RIPK1: variants seen among roughly 807,000 people sequenced by gnomAD.
RIPK1 encodes the protein receptor interacting serine/threonine kinase 1.
Under a neutral mutation model 62.4 loss-of-function variants are expected in RIPK1, and 27 were observed. The ratio of observed to expected loss-of-function variants is 0.43; its 90% CI spans 0.32 to 0.60. The LOEUF is 0.60. Ranked by LOEUF, RIPK1 falls within the 20% of genes least tolerant of loss-of-function variation. RIPK1 has a pLI of 0.07. For missense variants in RIPK1, 735 were observed against 831.0 expected (o/e 0.88, Z 1.42); for synonymous variants, 287 against 303.2 (o/e 0.95, Z 0.55).
rs1758743770 is a variant in RIPK1, at chr6:3,072,096, T to C, written c.-61+3435T>C. ...CTCTCCTCTGTACATGCTAAGTGTT[T>C]TACCTACTTTTGCTGTTCTATGTAA... On this transcript the variant is annotated intron_variant, in intron 1 of 10. Transcript: ENST00000259808. This position sits in a 1 kb window ranked among gnomAD's most constrained non-coding sequence, Gnocchi z 5.6. Among the ~76,000 whole-genome samples, 1 of 152,236 alleles carries C rather than the reference T, an allele frequency of 6.6e-6. No homozygotes were observed. Among genetic ancestry groups the C allele is most frequent in the South Asian group, 2.1e-4 (1 of 4,836 alleles).
At chr6:3,090,869 CACCTAGT>C (rs1411701408) in intron 7 of RIPK1, among the ~76,000 whole-genome samples, 4 of 85,108 alleles carry the variant, frequency 4.7e-5, no homozygotes, top group Non-Finnish European at 7.8e-5. Context: ...CTACCTGCCG[CACCTAGT>C]AACCGCAGCG....
In RIPK1 at chr6:3,094,263, A is replaced by G. The variant is rs548781469; in HGVS notation, c.915+4606A>G. ...CTACCTTTAAAGGCTTTTCAAGAAC[A>G]TACAGAGCATTTTCAAAAACTGACC... On this transcript the variant is annotated intron_variant, in intron 7 of 10. Transcript: ENST00000259808. Among the ~76,000 whole-genome samples the G allele has an allele frequency of 9.2e-5, 14 of 152,264 alleles. No homozygotes were observed. The South Asian group carries it at 2.9e-3, about 31-fold the overall frequency.
chr6:3,064,884 C>G (rs985062477), upstream of RIPK1, among the ~76,000 whole-genome samples: 1 of 151,990 alleles, frequency 6.6e-6, no homozygotes, highest in South Asian at 2.1e-4. Flanking sequence ...ACCGTTTTAA[C>G]GAGGTGGCTT....
chr6:3,064,269 C>T (rs887792338), upstream of RIPK1, among the ~76,000 whole-genome samples: 1 of 152,094 alleles, frequency 6.6e-6, no homozygotes, highest in African/African-American at 2.4e-5. Context: ...AGCTCCCAGC[C>T]AGCGCGGACG....
chr6:3,068,474 G>C (rs1052091233), upstream of RIPK1: 1 of 985,330 alleles, frequency 1.0e-6, no homozygotes, highest in Non-Finnish European at 1.2e-6. Context: ...GCCGGGGCAG[G>C]GGGAGGAGGC....
At chr6:3,082,222 C>T (rs1027064040) in intron 4 of RIPK1, among the ~76,000 whole-genome samples, 1 of 152,206 alleles carries the variant, frequency 6.6e-6, no homozygotes, top group Non-Finnish European at 1.5e-5. Flanking sequence ...GCAGGTTCTG[C>T]GTCTAGCGCT....
upstream of RIPK1, among the ~76,000 whole-genome samples, chr6:3,064,980 C>T (rs1328171127): frequency 1.3e-5 from 2 of 152,036 alleles, no homozygotes; most frequent in African/African-American, 4.8e-5. Flanking sequence ...CGGTGGCTCA[C>T]GCCTGTAATC....
chr6:3,113,577 G>C lies in RIPK1; in HGVS notation c.*238G>C. ...GGACTCAAGTGATCCTCCCGCCTCG[G>C]CCTTCCAAAGTGCTGGGATATCAGG... is the stretch of plus-strand genomic sequence containing the variant. On this transcript the variant is annotated 3_prime_UTR_variant, in exon 11 of 11. Coordinates refer to ENST00000259808, the MANE Select transcript of RIPK1 (RefSeq NM_001354930.2). This position sits in a 1 kb window ranked among gnomAD's most constrained non-coding sequence, Gnocchi z 5.0. 1 of 471,464 alleles carries C rather than the reference G, an allele frequency of 2.1e-6. No homozygotes were observed. Among genetic ancestry groups the C allele is most frequent in the Non-Finnish European group, 3.8e-6 (1 of 262,212 alleles). The allele number at this position is 471,464 out of a possible 1,614,324, so 29.2% of individuals were successfully genotyped here.
chr6:3,111,389 T>G (rs1416573154), intron 10 of RIPK1, among the ~76,000 whole-genome samples: 1 of 152,192 alleles, frequency 6.6e-6, no homozygotes, highest in Non-Finnish European at 1.5e-5. Flanking sequence ...AAGAGGGCTA[T>G]CTCTTATAGG....
At chr6:3,102,918 T>G (rs1428151397) in intron 7 of RIPK1, among the ~76,000 whole-genome samples, 2 of 152,224 alleles carry the variant, frequency 1.3e-5, no homozygotes, top group African/African-American at 4.8e-5. Flanking sequence ...TAAGTACTGT[T>G]AAAATTGTTT....
chr6:3,105,578 A>G lies in RIPK1; in HGVS notation c.1103A>G (p.Glu368Gly). ...GCTCCTTCCCTGGAGCACCCACAAG[A>G]AGAGAATGAGCCCAGCCTGCAGAGT... is the stretch of plus-strand genomic sequence containing the variant. Reference protein sequence around the residue: ...WFAPSLEHPQEENEPSLQSKL... With the variant: ...WFAPSLEHPQGENEPSLQSKL... Residue 368 changes from glutamate to glycine, a missense_variant, in exon 9 of 11, where the codon GAA becomes GGA. Coordinates refer to ENST00000259808, the MANE Select transcript of RIPK1 (RefSeq NM_001354930.2). The surrounding 1 kb of genome is among the most constrained non-coding windows in gnomAD (Gnocchi z 4.5). The G allele has an allele frequency of 6.2e-7, 1 of 1,613,862 alleles. No individual in the cohort carries two copies.
intron 7 of RIPK1, among the ~76,000 whole-genome samples, chr6:3,097,180 A>G (rs1234282133): frequency 4.6e-5 from 7 of 151,934 alleles, no homozygotes; most frequent in Non-Finnish European, 1.0e-4. Context: ...CTATATCTCA[A>G]CCTTTTAGTT....
Position 3,068,535 on chromosome 6 carries a change from G to A in RIPK1, c.-187G>A, listed in dbSNP as rs1758499968. On this transcript the variant is annotated 5_prime_UTR_variant, in exon 1 of 11. Coordinates refer to ENST00000259808, the MANE Select transcript of RIPK1 (RefSeq NM_001354930.2). ...CCGGGCGCGCTCGACGCGGACGGCG[G>A]GCCAGCTGCCGGAGCGCGGCGACTC... 2.0e-6 allele frequency: 2 copies of A among 985,234 alleles called. No homozygotes were observed. The highest frequency in any genetic ancestry group is 3.5e-5 in the African/African-American group (2 of 57,218). 61.0% of individuals were successfully genotyped at this position (985,234 alleles called of 1,614,324 possible).
At chr6:3,099,957 G>A (rs1760509386) in intron 7 of RIPK1, among the ~76,000 whole-genome samples, 1 of 152,142 alleles carries the variant, frequency 6.6e-6, no homozygotes, top group East Asian at 1.9e-4. Context: ...ATGTCCATAA[G>A]TAACTGCCCT....
In RIPK1 at chr6:3,113,529, T is replaced by A; in HGVS notation, c.*190T>A. 1 of 565,670 alleles carries A rather than the reference T, an allele frequency of 1.8e-6. No individual in the cohort carries two copies. 35.0% of individuals were successfully genotyped at this position (565,670 alleles called of 1,614,324 possible). A position where few individuals can be genotyped will look rare whatever the true frequency, so the allele number is the denominator to read the frequency against. On this transcript the variant is annotated 3_prime_UTR_variant, in exon 11 of 11. Transcript: ENST00000259808. The surrounding 1 kb of genome is among the most constrained non-coding windows in gnomAD (Gnocchi z 5.0). The stretch of plus-strand genomic sequence containing the variant: ...CTGCAGCAAAGGGGTCTCACTCTGT[T>A]GCCAGGCTGGTCTCAAACTTCTGGA...
intron 9 of RIPK1, among the ~76,000 whole-genome samples, chr6:3,107,909 A>G (rs1199245492): frequency 3.3e-5 from 5 of 151,908 alleles, no homozygotes; most frequent in Non-Finnish European, 7.4e-5. Flanking sequence ...TACAATAGAT[A>G]ATAGAATTTT....
At chr6:3,076,567 T>G (rs1759058221) in intron 1 of RIPK1, among the ~76,000 whole-genome samples, 197 bp from the exon 2 acceptor site, 1 of 151,296 alleles carries the variant, frequency 6.6e-6, no homozygotes. Context: ...TGGTCCCAGC[T>G]ACTCAAGGAG....
intron 9 of RIPK1, among the ~76,000 whole-genome samples, chr6:3,108,802 G>A (rs13216501): frequency 5.6e-4 from 85 of 152,278 alleles, no homozygotes; most frequent in Admixed American, 1.1e-3. Flanking sequence ...CACAGATGGC[G>A]TGTGTGTGCA....
intron 4 of RIPK1, among the ~76,000 whole-genome samples, chr6:3,081,582 C>G (rs576813851): frequency 6.6e-6 from 1 of 152,006 alleles, no homozygotes; most frequent in Non-Finnish European, 1.5e-5. Flanking sequence ...GATCAGCGGC[C>G]GGGTGCAGTG....
Sources: gnomAD v4.1 joint callset for allele counts (sites outside exome capture counted in the v4.1 genomes callset) on GRCh38, gnomAD v4.1.1 for gene constraint, Gnocchi (gnomAD v3.1) non-coding constraint, MANE v1.5 for transcripts, NCBI Gene and HGNC (gene_info 2026-07-23, HGNC 2026-07-21) for gene names.